The following SHROOM3 variants were observed in gnomAD, a reference collection of about 807,000 sequenced individuals.
SHROOM3 encodes the protein protein Shroom3.
A neutral mutation model predicts 138.6 loss-of-function variants in SHROOM3; 47 were observed. The ratio of observed to expected loss-of-function variants is 0.34; its 90% CI spans 0.27 to 0.43. SHROOM3 has a LOEUF of 0.43. SHROOM3 is among the 20% of genes least tolerant of loss of function. SHROOM3 has a pLI of 1.00. For synonymous variants in SHROOM3, 1,062 were observed against 1,063.3 expected (o/e 1.00, Z 0.02); for missense variants, 2,491 against 2,596.5 (o/e 0.96, Z 0.88).
chr4:76,725,734 C>T (rs1171767990), intron 3 of SHROOM3, among the ~76,000 whole-genome samples: 2 of 152,196 alleles, frequency 1.3e-5, no homozygotes, highest in Non-Finnish European at 2.9e-5. Flanking sequence ...CATTTGCCAG[C>T]ATCCACCTTT....
chr4:76,529,098 C>G (rs1410964488), intron 1 of SHROOM3, among the ~76,000 whole-genome samples: 1 of 152,120 alleles, frequency 6.6e-6, no homozygotes, highest in Non-Finnish European at 1.5e-5. Context: ...TTCTCTCAGC[C>G]AAACTATTGT....
intron 5 of SHROOM3, among the ~76,000 whole-genome samples, chr4:76,748,088 G>A (rs1016400198): frequency 2.0e-5 from 3 of 152,134 alleles, no homozygotes; most frequent in Non-Finnish European, 2.9e-5. Context: ...ACCCAGTACC[G>A]GTAGCTGCAA....
intron 1 of SHROOM3, among the ~76,000 whole-genome samples, chr4:76,498,907 T>G (rs554303804): frequency 4.5e-4 from 68 of 152,310 alleles, no homozygotes; most frequent in Non-Finnish European, 8.1e-4. Flanking sequence ...GTTTCACCAG[T>G]CCTGCCTCTT....
At chr4:76,608,632 A>G (rs540079171) in intron 2 of SHROOM3, among the ~76,000 whole-genome samples, 1 of 15,082 alleles carries the variant, frequency 6.6e-5, no homozygotes, top group East Asian at 0.011. Flanking sequence ...ATGGTATAGC[A>G]TAGCATAGCA....
chr4:76,614,520 T>A (rs1184783827), intron 2 of SHROOM3, among the ~76,000 whole-genome samples: 5 of 152,192 alleles, frequency 3.3e-5, no homozygotes, highest in Non-Finnish European at 7.3e-5. Context: ...ATGTGCAGAA[T>A]GTGCAGGTTT....
intron 2 of SHROOM3, chr4:76,644,359 C>T (rs1292374947): frequency 2.0e-5 from 3 of 151,398 alleles, no homozygotes; most frequent in African/African-American, 7.3e-5. Context: ...AAGCAATTCT[C>T]CTGCCTCAGC....
In SHROOM3 at chr4:76,741,748, C is replaced by T. The variant is rs1211215776; in HGVS notation, c.3575C>T (p.Ala1192Val). The part of the protein sequence containing the change: ...ERRRGDLLSG[A>V]NGGTRGTQRG... ...CGACGCGGGGACCTGCTTAGCGGAG[C>T]AAACGGTGGAACAAGGGGCACCCAG... The change falls in exon 5 of 11, where the codon GCA (alanine) becomes GTA (valine). Residue 1192 changes from alanine to valine, a missense_variant. This residue lies in a region of SHROOM3 where 1,733 missense variants were observed against 1,661.6 expected (regional missense o/e 1.04). Transcript: ENST00000296043. This position sits in a 1 kb window ranked among gnomAD's most constrained non-coding sequence, Gnocchi z 6.2. The T allele has an allele frequency of 6.4e-7, 1 of 1,563,798 alleles. No homozygotes were observed. Among genetic ancestry groups the T allele is most frequent in the East Asian group, 2.4e-5 (1 of 42,198 alleles).
intron 2 of SHROOM3, among the ~76,000 whole-genome samples, chr4:76,564,396 G>A (rs1733656034): frequency 6.6e-6 from 1 of 152,192 alleles, no homozygotes. Context: ...TGGCATCATG[G>A]AAATTTGCTC....
chr4:76,778,793 C>A lies in SHROOM3; in HGVS notation c.5623-16C>A. 1 of 1,612,060 alleles carries A rather than the reference C, an allele frequency of 6.2e-7. No individual in the cohort carries two copies. Among genetic ancestry groups the A allele is most frequent in the Non-Finnish European group, 8.5e-7 (1 of 1,179,998 alleles). On this transcript the variant is annotated splice_polypyrimidine_tract_variant and intron_variant, in intron 10 of 10. Transcript: ENST00000296043. ...TTTCCCTGGCCTTCATTGATCTGTC[C>A]AATTTTCCCTGGCAGAGCTCTCTTT...
At chr4:76,541,830 A>G (rs1733110376) in intron 1 of SHROOM3, among the ~76,000 whole-genome samples, 1 of 152,168 alleles carries the variant, frequency 6.6e-6, no homozygotes, top group African/African-American at 2.4e-5. Context: ...AAAAGACTCA[A>G]TTTGGAGTGC....
chr4:76,737,544 C>T (rs1177699418), intron 4 of SHROOM3, among the ~76,000 whole-genome samples: 1 of 152,200 alleles, frequency 6.6e-6, no homozygotes, highest in Non-Finnish European at 1.5e-5. Flanking sequence ...GCATTACCAC[C>T]TGCAATGAAT....
At chr4:76,676,161 T>A (rs1372799141) in intron 2 of SHROOM3, among the ~76,000 whole-genome samples, 1 of 152,152 alleles carries the variant, frequency 6.6e-6, no homozygotes, top group African/African-American at 2.4e-5. Context: ...TTATGACAAG[T>A]ACCAAAAATT....
At chr4:76,438,607 T>A (rs1023453311) in intron 1 of SHROOM3, among the ~76,000 whole-genome samples, 4 of 152,174 alleles carry the variant, frequency 2.6e-5, no homozygotes, top group African/African-American at 9.7e-5. Flanking sequence ...CTCTCTGAGG[T>A]TTTCCTGATG....
At chr4:76,742,359 T>G (rs2110135852) in intron 5 of SHROOM3, among the ~76,000 whole-genome samples, 1 of 152,300 alleles carries the variant, frequency 6.6e-6, no homozygotes, top group Middle Eastern at 3.4e-3. Flanking sequence ...GCTAGAATGA[T>G]TGACATTGAT....
intron 2 of SHROOM3, among the ~76,000 whole-genome samples, chr4:76,706,674 G>A (rs942377324): frequency 2.6e-5 from 4 of 152,142 alleles, no homozygotes; most frequent in Non-Finnish European, 5.9e-5. Context: ...TCAAGCTTCT[G>A]TTGTTCAAGG....
At chr4:76,520,020 T>C (rs935194821) in intron 1 of SHROOM3, among the ~76,000 whole-genome samples, 2 of 152,224 alleles carry the variant, frequency 1.3e-5, no homozygotes, top group Admixed American at 1.3e-4. Flanking sequence ...TTAGGTCATC[T>C]AATTCCATTG....
chr4:76,495,393 A>G (rs1731943831), intron 1 of SHROOM3, among the ~76,000 whole-genome samples: 1 of 152,246 alleles, frequency 6.6e-6, no homozygotes, highest in African/African-American at 2.4e-5. Context: ...ATGACTGATC[A>G]ATAAGAAAGT....
At chr4:76,768,806 G>A (rs1416491611) in intron 9 of SHROOM3, among the ~76,000 whole-genome samples, 1 of 152,220 alleles carries the variant, frequency 6.6e-6, no homozygotes, top group Non-Finnish European at 1.5e-5. Context: ...GAGCCACTGC[G>A]CCCAGCCTGG....
At chr4:76,444,645 G>A (rs1030103410) in intron 1 of SHROOM3, among the ~76,000 whole-genome samples, 3 of 151,166 alleles carry the variant, frequency 2.0e-5, no homozygotes, top group African/African-American at 4.9e-5. Context: ...TACAGGCATG[G>A]GCCCCATGCC....
Sources: gnomAD v4.1 joint callset for allele counts (sites outside exome capture counted in the v4.1 genomes callset) on GRCh38, gnomAD v4.1.1 for gene constraint, gnomAD v4.1.1 regional missense constraint, Gnocchi (gnomAD v3.1) non-coding constraint, MANE v1.5 for transcripts, NCBI Gene and HGNC (gene_info 2026-07-23, HGNC 2026-07-21) for gene names.